EYA4: variants seen among roughly 807,000 people sequenced by gnomAD.
The protein encoded by EYA4 is EYA transcriptional coactivator and phosphatase 4.
A neutral mutation model predicts 87.9 loss-of-function variants in EYA4; 31 were observed. That is an observed-to-expected ratio of 0.35 (90% CI 0.27 to 0.48). The LOEUF is 0.48. EYA4 is among the 20% of genes least tolerant of loss of function. The pLI is 0.99. For missense variants in EYA4, 678 were observed against 761.4 expected (o/e 0.89, Z 1.29); for synonymous variants, 263 against 270.6 (o/e 0.97, Z 0.28).
intron 5 of EYA4, among the ~76,000 whole-genome samples, chr6:133,452,270 A>G (rs2128634833): frequency 6.6e-6 from 1 of 152,302 alleles, no homozygotes; most frequent in East Asian, 1.9e-4. Context: ...GTGGAATTAC[A>G]TATATGTAGT....
At chr6:133,277,851 G>C (rs1395170740) in intron 2 of EYA4, among the ~76,000 whole-genome samples, 7 of 152,166 alleles carry the variant, frequency 4.6e-5, no homozygotes, top group Non-Finnish European at 8.8e-5. Flanking sequence ...TCAAAGCTTT[G>C]TCCACTCTTA....
At chr6:133,273,256 C>G (rs1776885866) in intron 1 of EYA4, among the ~76,000 whole-genome samples, 1 of 152,000 alleles carries the variant, frequency 6.6e-6, no homozygotes, top group African/African-American at 2.4e-5. Flanking sequence ...CAGGAGGCAT[C>G]TAGCACGGGA....
intron 1 of EYA4, among the ~76,000 whole-genome samples, chr6:133,250,266 C>T (rs555951141): frequency 6.6e-6 from 1 of 152,226 alleles, no homozygotes; most frequent in Non-Finnish European, 1.5e-5. Flanking sequence ...AGCCAAGGAT[C>T]CTGAAAATCT....
Position 133,529,485 on chromosome 6 carries a change from T to TTACAATG in EYA4, c.*683_*689dup. The TTACAATG allele has an allele frequency of 3.1e-6, 3 of 982,548 alleles. No individual in the cohort carries two copies. Among genetic ancestry groups the TTACAATG allele is most frequent in the Non-Finnish European group, 3.6e-6 (3 of 828,362 alleles). The allele number at this position is 982,548 out of a possible 1,614,324, so 60.9% of individuals were successfully genotyped here. A position where few individuals can be genotyped will look rare whatever the true frequency, so the allele number is the denominator to read the frequency against. On this transcript the variant is annotated 3_prime_UTR_variant, in exon 20 of 20. Transcript: ENST00000355286. Reference sequence around the variant, plus strand: ...TTAAAGACAAGACAGCATTTGTGTGTTACAATGTAACTTTGGTTAAAATCT... The same window carrying TTACAATG: ...TTAAAGACAAGACAGCATTTGTGTGTTACAATGTACAATGTAACTTTGGTTAAAATCT...
Position 133,513,007 on chromosome 6 carries a change from A to G in EYA4, c.1470A>G (p.Glu490=). 1 of 1,614,152 alleles carries G rather than the reference A, an allele frequency of 6.2e-7. No individual in the cohort carries two copies. Among genetic ancestry groups the G allele is most frequent in the Non-Finnish European group, 8.5e-7 (1 of 1,180,010 alleles). ...CTTTTCGTTACAGAAGAGTAAAAGAATTATATAACACCTACAAGAACAACG... is the reference window on the plus strand; with the variant it reads ...CTTTTCGTTACAGAAGAGTAAAAGAGTTATATAACACCTACAAGAACAACG... ...KLAFRYRRVK[E]LYNTYKNNVG... Residue 490 remains glutamate (E), a synonymous_variant, in exon 16 of 20, where the codon GAA becomes GAG. Coordinates refer to ENST00000355286, the MANE Select transcript of EYA4 (RefSeq NM_004100.5).
chr6:133,360,764 T>C (rs893918677), intron 2 of EYA4: 3 of 152,200 alleles, frequency 2.0e-5, no homozygotes, highest in Non-Finnish European at 4.4e-5. Context: ...CCTCAGATGG[T>C]CTTCCTGGTG....
rs376735484 is a variant in EYA4, at chr6:133,491,748, A to G, written c.1191+8633A>G. On this transcript the variant is annotated intron_variant, in intron 13 of 19. Coordinates refer to ENST00000355286, the MANE Select transcript of EYA4 (RefSeq NM_004100.5). ...GGGCAGATCACGAGGTCAGGAGATC[A>G]AGACCATCCTAGCTAACATGGTGAA... 2.2e-3 allele frequency among the ~76,000 whole-genome samples: 331 copies of G among 151,998 alleles called. 1 individual carries two copies. Among genetic ancestry groups the G allele is most frequent in the African/African-American group, 7.5e-3 (312 of 41,464 alleles).
At chr6:133,507,932 G>T (rs1798791323) in intron 14 of EYA4, among the ~76,000 whole-genome samples, 2 of 152,188 alleles carry the variant, frequency 1.3e-5, no homozygotes, top group South Asian at 4.1e-4. Flanking sequence ...AGTTCTAGAT[G>T]CTTGAGGAGT....
chr6:133,456,045 T>C (rs1321936330), intron 5 of EYA4, among the ~76,000 whole-genome samples: 2 of 152,192 alleles, frequency 1.3e-5, no homozygotes, highest in African/African-American at 2.4e-5. Flanking sequence ...TTATAGCTCG[T>C]GAGTCTTTTT....
intron 19 of EYA4, among the ~76,000 whole-genome samples, chr6:133,526,422 A>G (rs1283965285): frequency 2.0e-5 from 3 of 148,246 alleles, no homozygotes; most frequent in Non-Finnish European, 4.5e-5. Flanking sequence ...TTTATAGAAA[A>G]GTTTATGGCT....
intron 1 of EYA4, among the ~76,000 whole-genome samples, chr6:133,260,914 C>T (rs1005811858): frequency 1.3e-5 from 2 of 152,082 alleles, no homozygotes; most frequent in Admixed American, 6.6e-5. Flanking sequence ...TCCTGCCCAT[C>T]GCCATAAAAG....
At chr6:133,392,748 C>G (rs1787413754) in intron 3 of EYA4, among the ~76,000 whole-genome samples, 1 of 152,086 alleles carries the variant, frequency 6.6e-6, no homozygotes, top group Non-Finnish European at 1.5e-5. Context: ...AGGATCTGGC[C>G]TCTTCTTTCT....
chr6:133,251,304 A>G (rs1264735347), intron 1 of EYA4, among the ~76,000 whole-genome samples: 1 of 152,166 alleles, frequency 6.6e-6, no homozygotes, highest in Non-Finnish European at 1.5e-5. Flanking sequence ...ATAATTTTCA[A>G]TAGTCAGTGG....
intron 2 of EYA4, among the ~76,000 whole-genome samples, chr6:133,312,601 C>T (rs1780315145): frequency 1.3e-5 from 2 of 152,142 alleles, no homozygotes; most frequent in South Asian, 4.1e-4. Context: ...TTGTAGTTAA[C>T]TATTTCTCAG....
chr6:133,274,616 A>C, intron 1 of EYA4, 100 bp from the exon 2 acceptor site: 1 of 646,208 alleles, frequency 1.5e-6, no homozygotes, highest in East Asian at 2.7e-5. Flanking sequence ...TGCTCCTACA[A>C]GTTACTAATT....
At chr6:133,528,695 C>T in intron 19 of EYA4, 30 bp from the exon 20 acceptor site, 1 of 1,470,280 alleles carries the variant, frequency 6.8e-7, no homozygotes, top group Non-Finnish European at 9.5e-7. Flanking sequence ...CCCCTTCTCT[C>T]TCCCATCCCT....
At chr6:133,285,950 A>G (rs73557751) in intron 2 of EYA4, among the ~76,000 whole-genome samples, 12,781 of 152,160 alleles carry the variant, frequency 0.084, 1,597 homozygotes, top group African/African-American at 0.27. Flanking sequence ...GGTGGCAGAG[A>G]CATTGCTGTG....
At chr6:133,508,890 G>A (rs921886519) in intron 14 of EYA4, among the ~76,000 whole-genome samples, 3 of 152,144 alleles carry the variant, frequency 2.0e-5, no homozygotes, top group Non-Finnish European at 2.9e-5. Context: ...TCTTCTCTGA[G>A]TATATAGCTT....
intron 3 of EYA4, among the ~76,000 whole-genome samples, chr6:133,383,126 A>G (rs1380516225): frequency 6.6e-6 from 1 of 152,232 alleles, no homozygotes; most frequent in Non-Finnish European, 1.5e-5. Context: ...TGTTCTTACT[A>G]TGCTATGAGT....
Sources: allele counts gnomAD v4.1 joint callset (sites outside exome capture counted in the v4.1 genomes callset), GRCh38; gene constraint gnomAD v4.1.1; transcripts MANE v1.5; gene names NCBI Gene and HGNC (gene_info 2026-07-23, HGNC 2026-07-21).